The following TSHZ2 variants were observed in gnomAD, a reference collection of about 807,000 sequenced individuals.
TSHZ2 encodes teashirt homolog 2.
TSHZ2 carries 21 observed loss-of-function variants against 74.4 expected under a neutral mutation model. That is an observed-to-expected ratio of 0.28 (90% CI 0.20 to 0.41). TSHZ2 has a LOEUF of 0.41. TSHZ2 is among the 10% of genes least tolerant of loss of function. The pLI, the probability that TSHZ2 is intolerant of heterozygous loss-of-function variation, is 1.00. For missense variants in TSHZ2, 1,244 were observed against 1,293.5 expected (o/e 0.96, Z 0.59); for synonymous variants, 540 against 515.3 (o/e 1.05, Z -0.65).
intron 2 of TSHZ2, among the ~76,000 whole-genome samples, chr20:53,438,724 G>A (rs1984193412): frequency 6.6e-6 from 1 of 152,144 alleles, no homozygotes; most frequent in Non-Finnish European, 1.5e-5. Flanking sequence ...ATTTTGGGAG[G>A]CCAAGGCAGG....
intron 2 of TSHZ2, among the ~76,000 whole-genome samples, chr20:53,437,876 C>T (rs1984150094): frequency 6.6e-6 from 1 of 152,178 alleles, no homozygotes; most frequent in Non-Finnish European, 1.5e-5. Flanking sequence ...TGTGATGTGC[C>T]TGCTCCTCCT....
intron 2 of TSHZ2, among the ~76,000 whole-genome samples, chr20:53,435,781 G>T (rs969068809): frequency 7.2e-5 from 11 of 152,216 alleles, no homozygotes; most frequent in African/African-American, 2.4e-4. Context: ...CCAAAGTGCT[G>T]GGATTACAGG....
At chr20:53,129,186 CTT>C (rs1049016214) in intron 1 of TSHZ2, among the ~76,000 whole-genome samples, 3 of 152,008 alleles carry the variant, frequency 2.0e-5, no homozygotes, top group Admixed American at 2.0e-4. Context: ...AATATAAAAA[CTT>C]TTATTATTTT....
At chr20:52,999,691 T>G (rs1329321070) in intron 1 of TSHZ2, among the ~76,000 whole-genome samples, 2 of 152,206 alleles carry the variant, frequency 1.3e-5, no homozygotes, top group African/African-American at 4.8e-5. Context: ...ATCATCAGAA[T>G]CGCCTCTAGA....
rs1350789250 is a variant in TSHZ2 at position 53,378,829 on chromosome 20, A to G, written c.*9-108315A>G. 2.6e-5 allele frequency among the ~76,000 whole-genome samples: 4 copies of G among 152,202 alleles called. No individual in the cohort carries two copies. The South Asian group carries it at 6.2e-4, about 24-fold the overall frequency. ...GGAAAGAAGATATTTACATTTTTTA[A>G]AAGTCAGTTGATGTAAATAAAACCA... On this transcript the variant is annotated intron_variant, in intron 2 of 2. Transcript: ENST00000371497.
rs185210630 is a variant in TSHZ2, at chr20:53,464,514, G to T, written c.*9-22630G>T. 2.8e-4 allele frequency among the ~76,000 whole-genome samples: 43 copies of T among 152,232 alleles called. No individual in the cohort carries two copies. The East Asian group carries it at 6.9e-3, about 25-fold the overall frequency. On this transcript the variant is annotated intron_variant, in intron 2 of 2. Coordinates refer to ENST00000371497, the MANE Select transcript of TSHZ2 (RefSeq NM_173485.6). ...ATTCTCTCTCATTGCGCAGGCTAGAGTGCAGTGGTACAACCATGGCTCCCT... is the reference window on the plus strand; with the variant it reads ...ATTCTCTCTCATTGCGCAGGCTAGATTGCAGTGGTACAACCATGGCTCCCT...
intron 1 of TSHZ2, among the ~76,000 whole-genome samples, chr20:53,028,899 G>A (rs536828078): frequency 6.6e-6 from 1 of 152,288 alleles, no homozygotes; most frequent in Admixed American, 6.5e-5. Context: ...GATGTGGCAA[G>A]GACTGTGATT....
At chr20:53,456,094 T>A (rs1159035982) in intron 2 of TSHZ2, among the ~76,000 whole-genome samples, 6 of 152,012 alleles carry the variant, frequency 3.9e-5, no homozygotes, top group African/African-American at 1.4e-4. Context: ...GATGGCTGGG[T>A]CAAATGGTAT....
chr20:53,339,481 T>G (rs1442153962), intron 2 of TSHZ2, among the ~76,000 whole-genome samples: 2 of 152,154 alleles, frequency 1.3e-5, no homozygotes, highest in East Asian at 3.9e-4. Context: ...GGGAGACAGC[T>G]CCGTCCTTCT....
At chr20:53,249,288 A>G (rs763813256) in intron 1 of TSHZ2, among the ~76,000 whole-genome samples, 1 of 152,198 alleles carries the variant, frequency 6.6e-6, no homozygotes, top group African/African-American at 2.4e-5. Context: ...AGCTGGAATA[A>G]TCCTTTTTAC....
intron 1 of TSHZ2, among the ~76,000 whole-genome samples, chr20:53,067,172 C>T (rs1985017530): frequency 6.6e-6 from 1 of 152,110 alleles, no homozygotes; most frequent in South Asian, 2.1e-4. Context: ...ACCAGTGATT[C>T]TAGCTTTGAC....
intron 1 of TSHZ2, among the ~76,000 whole-genome samples, chr20:53,249,347 T>C (rs764721475): frequency 6.6e-6 from 1 of 152,252 alleles, no homozygotes; most frequent in Non-Finnish European, 1.5e-5. Context: ...GACATCACTC[T>C]GTGCCAGGAT....
chr20:53,231,313 A>G (rs931643736), intron 1 of TSHZ2, among the ~76,000 whole-genome samples: 1 of 152,218 alleles, frequency 6.6e-6, no homozygotes, highest in Non-Finnish European at 1.5e-5. Flanking sequence ...TGCACTTGTA[A>G]ATCAACCCAT....
At chr20:53,233,393 A>G (rs1989871333) in intron 1 of TSHZ2, among the ~76,000 whole-genome samples, 1 of 152,210 alleles carries the variant, frequency 6.6e-6, no homozygotes, top group South Asian at 2.1e-4. Context: ...ACTATGTAAG[A>G]AGAGATCCTG....
chr20:53,116,288 T>C (rs1339358028), intron 1 of TSHZ2, among the ~76,000 whole-genome samples: 1 of 152,250 alleles, frequency 6.6e-6, no homozygotes, highest in African/African-American at 2.4e-5. Flanking sequence ...AGTGTTTGAC[T>C]GTGTAGCTCA....
chr20:53,270,965 C>T (rs1054280226), intron 2 of TSHZ2, among the ~76,000 whole-genome samples: 1 of 152,138 alleles, frequency 6.6e-6, no homozygotes, highest in Non-Finnish European at 1.5e-5. Context: ...TGCTGCCTTT[C>T]GTTAGACTCT....
Position 53,419,888 on chromosome 20 carries a change from G to A in TSHZ2, c.*9-67256G>A, listed in dbSNP as rs554643059. ...TGTCCCAGGGCCTGCATGACACCAC[G>A]CTGCCGATCTCCTAATACGTCCTGC... On this transcript the variant is annotated intron_variant, in intron 2 of 2. Transcript: ENST00000371497. Among the ~76,000 whole-genome samples, 13 of 152,322 alleles carry A rather than the reference G, an allele frequency of 8.5e-5. 1 individual carries two copies. The South Asian group carries it at 2.3e-3, about 27-fold the overall frequency.
rs200366576 is a variant in TSHZ2, at chr20:52,979,691, TC to T, written c.40+6362del. On this transcript the variant is annotated intron_variant, in intron 1 of 2. Transcript: ENST00000371497. Reference sequence around the variant, plus strand: ...GTTGCCTCCCTCAATTTTTTACGTTTCCCCTGTAGAAAAAGACATCCTCTGG... The same window carrying T: ...GTTGCCTCCCTCAATTTTTTACGTTTCCCTGTAGAAAAAGACATCCTCTGG... Among the ~76,000 whole-genome samples, 1,056 of 152,268 alleles carry T rather than the reference TC, an allele frequency of 6.9e-3. 6 individuals are homozygous for T. Among genetic ancestry groups the T allele is most frequent in the Non-Finnish European group, 0.012 (789 of 68,026 alleles).
chr20:53,202,791 T>C lies in TSHZ2; in HGVS notation c.41-50708T>C, dbSNP rs140258623. 1.8e-3 allele frequency among the ~76,000 whole-genome samples: 277 copies of C among 152,302 alleles called. 2 individuals carry two copies. The highest frequency in any genetic ancestry group is 6.5e-3 in the African/African-American group (269 of 41,562). ...TTTAGCATTGGAAGCTAGCAAGACTTAACTGTTTTGTTGATGGCTTTAGGC... is the reference window on the plus strand; with the variant it reads ...TTTAGCATTGGAAGCTAGCAAGACTCAACTGTTTTGTTGATGGCTTTAGGC... On this transcript the variant is annotated intron_variant, in intron 1 of 2. Transcript: ENST00000371497.
Sources: gnomAD v4.1 joint callset for allele counts (sites outside exome capture counted in the v4.1 genomes callset) on GRCh38, gnomAD v4.1.1 for gene constraint, MANE v1.5 for transcripts, NCBI Gene and HGNC (gene_info 2026-07-23, HGNC 2026-07-21) for gene names.